The following KCNK5 variants were observed in gnomAD, a reference collection of about 807,000 sequenced individuals.
KCNK5 encodes potassium two pore domain channel subfamily K member 5, also known as potassium channel subfamily K member 5.
KCNK5 carries 18 observed loss-of-function variants against 32.9 expected under a neutral mutation model. That is an observed-to-expected ratio of 0.55 (90% CI 0.38 to 0.81). The LOEUF (loss-of-function observed/expected upper bound fraction) is 0.81, where lower values mean the gene tolerates loss of function less well. KCNK5 is among the 30% of genes least tolerant of loss of function. The pLI, the probability that KCNK5 is intolerant of heterozygous loss-of-function variation, is 0.00. For synonymous variants in KCNK5, 276 were observed against 275.3 expected, an observed-to-expected ratio of 1.00 and a Z score of -0.03; for missense variants, 507 against 651.0, an observed-to-expected ratio of 0.78 and a Z score of 2.41.
chr6:39,191,642 C>T lies in KCNK5; in HGVS notation c.748G>A (p.Val250Met). Reference sequence around the variant, plus strand: ...TTCTTAATGGCTTTGTGGACTTCCACAAACATGCTCACCTTCCAGTTGACA... The same window carrying T: ...TTCTTAATGGCTTTGTGGACTTCCATAAACATGCTCACCTTCCAGTTGACA... ...LFVNWKVSMF[V>M]EVHKAIKKRR... Residue 250 changes from valine to methionine, a missense_variant, in exon 5 of 5, where the codon GTG becomes ATG. This residue lies in a region of KCNK5 where 45 missense variants were observed against 107.6 expected (regional missense o/e 0.42). Coordinates refer to ENST00000359534, the MANE Select transcript of KCNK5 (RefSeq NM_003740.4). This position sits in a 1 kb window ranked among gnomAD's most constrained non-coding sequence, Gnocchi z 5.8. 3 of 1,614,056 alleles carry T rather than the reference C, an allele frequency of 1.9e-6. No individual in the cohort carries two copies. Among genetic ancestry groups the T allele is most frequent in the Admixed American group, 1.7e-5 (1 of 60,014 alleles).
rs896045960 is a variant in KCNK5, at chr6:39,194,037, G to A, written c.634+132C>T. 2 of 920,666 alleles carry A rather than the reference G, an allele frequency of 2.2e-6. No individual in the cohort carries two copies. The highest frequency in any genetic ancestry group is 2.2e-5 in the Admixed American group (1 of 46,196). 57.0% of individuals were successfully genotyped at this position (920,666 alleles called of 1,614,324 possible). Reference sequence around the variant, plus strand: ...AGTTTCCTCTTGCAAATGGCAGAGTGGGTTGAGAATCCCACTGGGTAAGAG... The same window carrying A: ...AGTTTCCTCTTGCAAATGGCAGAGTAGGTTGAGAATCCCACTGGGTAAGAG... On this transcript the variant is annotated intron_variant, in intron 4 of 4. Coordinates refer to ENST00000359534, the MANE Select transcript of KCNK5 (RefSeq NM_003740.4). The surrounding 1 kb of genome is among the most constrained non-coding windows in gnomAD (Gnocchi z 4.7).
At chr6:39,222,183 C>T (rs3892126) in intron 1 of KCNK5, among the ~76,000 whole-genome samples, 7 of 152,228 alleles carry the variant, frequency 4.6e-5, no homozygotes, top group African/African-American at 1.4e-4. Flanking sequence ...GGTCACCAAA[C>T]GGGAGACGGA....
chr6:39,219,523 G>A (rs1771504119), intron 1 of KCNK5, among the ~76,000 whole-genome samples: 1 of 152,124 alleles, frequency 6.6e-6, no homozygotes, highest in Non-Finnish European at 1.5e-5. Flanking sequence ...GGGCAACAGA[G>A]TGAGACTCTG....
rs79407244 is a variant in KCNK5 at position 39,190,655 on chromosome 6, C to T, written c.*235G>A. 15 of 424,664 alleles carry T rather than the reference C, an allele frequency of 3.5e-5. No individual in the cohort carries two copies. The East Asian group carries it at 5.3e-4, about 15-fold the overall frequency. 26.3% of individuals were successfully genotyped at this position (424,664 alleles called of 1,614,324 possible). A position where few individuals can be genotyped will look rare whatever the true frequency, so the allele number is the denominator to read the frequency against. On this transcript the variant is annotated 3_prime_UTR_variant, in exon 5 of 5. Coordinates refer to ENST00000359534, the MANE Select transcript of KCNK5 (RefSeq NM_003740.4). ...GTCTTTGCATTGTGAGATACACCAGCCAAGCTCAGGACAGATGCCCCCACA... is the reference window on the plus strand; with the variant it reads ...GTCTTTGCATTGTGAGATACACCAGTCAAGCTCAGGACAGATGCCCCCACA...
intron 4 of KCNK5, among the ~76,000 whole-genome samples, chr6:39,192,942 C>T (rs1372036707): frequency 6.6e-6 from 1 of 152,148 alleles, no homozygotes; most frequent in Non-Finnish European, 1.5e-5. Context: ...AGTTCTCCTC[C>T]CACGACCGGG....
intron 1 of KCNK5, among the ~76,000 whole-genome samples, chr6:39,198,628 C>A (rs1275271117): frequency 6.6e-6 from 1 of 152,210 alleles, no homozygotes; most frequent in Non-Finnish European, 1.5e-5. Context: ...AGTAATCCTA[C>A]TGTCCTGCTG....
chr6:39,207,378 C>T (rs1258563510), intron 1 of KCNK5, among the ~76,000 whole-genome samples: 1 of 152,200 alleles, frequency 6.6e-6, no homozygotes, highest in African/African-American at 2.4e-5. Context: ...CTAGTATGTG[C>T]TCAAGTATTT....
intron 1 of KCNK5, among the ~76,000 whole-genome samples, chr6:39,223,962 T>C (rs1562059406): frequency 6.6e-6 from 1 of 152,174 alleles, no homozygotes; most frequent in Non-Finnish European, 1.5e-5. Context: ...TCAATAATTC[T>C]CTATTACTGT....
chr6:39,202,713 C>T (rs575949859), intron 1 of KCNK5, among the ~76,000 whole-genome samples: 37 of 152,254 alleles, frequency 2.4e-4, no homozygotes, highest in African/African-American at 8.7e-4. Flanking sequence ...ATCCCAAAGC[C>T]CCTCCTCTCT....
Position 39,217,968 on chromosome 6 carries a change from G to A in KCNK5, c.186+10958C>T, listed in dbSNP as rs115813638. On this transcript the variant is annotated intron_variant, in intron 1 of 4. Transcript: ENST00000359534. The stretch of plus-strand genomic sequence containing the variant: ...AGCTGGTGCTCAAGATCACAGGAAC[G>A]GGTGTGTTGGGGCAGGTTAGGAAAT... Among the ~76,000 whole-genome samples, 929 of 152,276 alleles carry A rather than the reference G, an allele frequency of 6.1e-3. 8 individuals are homozygous for A. The highest frequency in any genetic ancestry group is 0.021 in the African/African-American group (868 of 41,554).
intron 1 of KCNK5, among the ~76,000 whole-genome samples, chr6:39,213,513 A>G (rs553747598): frequency 1.3e-5 from 2 of 152,298 alleles, no homozygotes; most frequent in African/African-American, 4.8e-5. Context: ...GAAACACCAA[A>G]TGGAAGCACC....
In KCNK5 at chr6:39,196,886, G is replaced by A. The variant is rs952704899; in HGVS notation, c.187-899C>T. Reference sequence around the variant, plus strand: ...CCCCTGGAGAGTGCGAGGAGCGGTGGGGCAGAGGTGTGGGGAACTTATCTA... The same window carrying A: ...CCCCTGGAGAGTGCGAGGAGCGGTGAGGCAGAGGTGTGGGGAACTTATCTA... On this transcript the variant is annotated intron_variant, in intron 1 of 4. Coordinates refer to ENST00000359534, the MANE Select transcript of KCNK5 (RefSeq NM_003740.4). Among the ~76,000 whole-genome samples the A allele has an allele frequency of 3.3e-5, 5 of 152,210 alleles. No homozygotes were observed. The South Asian group carries it at 1.0e-3, about 32-fold the overall frequency.
Position 39,229,171 on chromosome 6 carries a change from G to A in KCNK5, c.-60C>T. ...TCCTAGCCCCAGCTGCTACCAGTCC[G>A]CCCGCCCTCCAGCCTCTGAAAACAG... is the stretch of plus-strand genomic sequence containing the variant. On this transcript the variant is annotated 5_prime_UTR_variant, in exon 1 of 5. Coordinates refer to ENST00000359534, the MANE Select transcript of KCNK5 (RefSeq NM_003740.4). The A allele has an allele frequency of 6.4e-7, 1 of 1,554,458 alleles. No homozygotes were observed. Among genetic ancestry groups the A allele is most frequent in the Admixed American group, 1.7e-5 (1 of 57,396 alleles).
chr6:39,228,578 GGGAAA>G (rs1771713381), intron 1 of KCNK5, among the ~76,000 whole-genome samples: 4 of 152,180 alleles, frequency 2.6e-5, no homozygotes, highest in Admixed American at 2.6e-4. Flanking sequence ...AGCGTCTCCA[GGGAAA>G]GATAAACGCC....
intron 1 of KCNK5, among the ~76,000 whole-genome samples, chr6:39,201,692 C>G (rs1771136019): frequency 6.6e-6 from 1 of 152,210 alleles, no homozygotes; most frequent in Non-Finnish European, 1.5e-5. Flanking sequence ...TTCCTCTCAC[C>G]TCCCTTCCCA....
intron 1 of KCNK5, among the ~76,000 whole-genome samples, chr6:39,206,637 A>G (rs577618248): frequency 1.8e-4 from 28 of 152,226 alleles, no homozygotes; most frequent in African/African-American, 6.5e-4. Context: ...TGGGCTGGCC[A>G]GTCTCTCCAA....
At chr6:39,212,120 C>T (rs533081055) in intron 1 of KCNK5, among the ~76,000 whole-genome samples, 63 of 152,266 alleles carry the variant, frequency 4.1e-4, no homozygotes, top group African/African-American at 1.4e-3. Context: ...GAAACCCCGT[C>T]TCTACAAAAC....
chr6:39,228,225 G>A (rs1017105660), intron 1 of KCNK5, among the ~76,000 whole-genome samples: 1 of 152,126 alleles, frequency 6.6e-6, no homozygotes, highest in African/African-American at 2.4e-5. Context: ...AAGGGACTAC[G>A]CGGGTATTAT....
At position 39,219,880 on chromosome 6, in the gene KCNK5, A is replaced by G. The variant is rs548543559; in HGVS notation, c.186+9046T>C. 7.7e-4 allele frequency among the ~76,000 whole-genome samples: 117 copies of G among 152,360 alleles called. No individual in the cohort carries two copies. The South Asian group carries it at 9.9e-3, about 13-fold the overall frequency. On this transcript the variant is annotated intron_variant, in intron 1 of 4. Coordinates refer to ENST00000359534, the MANE Select transcript of KCNK5 (RefSeq NM_003740.4). The stretch of plus-strand genomic sequence containing the variant: ...TGCCCACGAAGGTTGCAAATGGTCT[A>G]GCTGGACCTAACTAGCACTCCAAGC...
Sources: gnomAD v4.1 joint callset for allele counts (sites outside exome capture counted in the v4.1 genomes callset) on GRCh38, gnomAD v4.1.1 for gene constraint, gnomAD v4.1.1 regional missense constraint, Gnocchi (gnomAD v3.1) non-coding constraint, MANE v1.5 for transcripts, NCBI Gene and HGNC (gene_info 2026-07-23, HGNC 2026-07-21) for gene names.